Variants in ZNF618 observed in about 807,000 individuals in gnomAD.
ZNF618 encodes neural precursor cell expressed, developmentally down-regulated 10.
In ZNF618, 34 loss-of-function variants were observed where a neutral mutation model predicts 103.0. The ratio of observed to expected loss-of-function variants is 0.33; its 90% CI spans 0.25 to 0.44. The LOEUF is 0.44. Among genes scored for constraint, ZNF618 ranks in the 20% least tolerant of loss-of-function variants. ZNF618 has a pLI of 1.00. For synonymous variants in ZNF618, 551 were observed against 542.2 expected (o/e 1.02, Z -0.23); for missense variants, 1,059 against 1,295.4 (o/e 0.82, Z 2.80).
At position 113,951,447 on chromosome 9, in the gene ZNF618, A is replaced by ATGTG. The variant is rs1301306957; in HGVS notation, c.34-17668_34-17665dup. Among the ~76,000 whole-genome samples the ATGTG allele has an allele frequency of 8.2e-4, 54 of 65,768 alleles. 1 individual carries two copies. Among genetic ancestry groups the ATGTG allele is most frequent in the African/African-American group, 9.6e-4 (16 of 16,606 alleles). The allele number at this position is 65,768 out of a possible 152,430, so 43.1% of individuals were successfully genotyped here. On this transcript the variant is annotated intron_variant, in intron 1 of 14. Transcript: ENST00000374126. ...TGTGTGTGTGTATATATATACATATATGTGTATATATACATATATGTGTGT... is the reference window on the plus strand; with the variant it reads ...TGTGTGTGTGTATATATATACATATATGTGTGTGTATATATACATATATGTGTGT...
At chr9:113,886,486 A>G (rs536045769) in intron 1 of ZNF618, among the ~76,000 whole-genome samples, 1 of 152,098 alleles carries the variant, frequency 6.6e-6, no homozygotes, top group Non-Finnish European at 1.5e-5. Context: ...GATGTTGGGG[A>G]ATTTTTTTTT....
intron 13 of ZNF618, among the ~76,000 whole-genome samples, chr9:114,047,391 GT>G (rs1251036158): frequency 6.6e-6 from 1 of 152,146 alleles, no homozygotes; most frequent in Non-Finnish European, 1.5e-5. Flanking sequence ...CATGGCTTTG[GT>G]TTTGTTTTGT....
chr9:113,918,241 G>A (rs755411723), intron 1 of ZNF618, among the ~76,000 whole-genome samples: 5 of 152,150 alleles, frequency 3.3e-5, no homozygotes, highest in South Asian at 2.1e-4. Flanking sequence ...GTATGACATC[G>A]GGGACCTAGG....
At chr9:113,938,538 T>A (rs1834239198) in intron 1 of ZNF618, among the ~76,000 whole-genome samples, 1 of 150,856 alleles carries the variant, frequency 6.6e-6, no homozygotes, top group Non-Finnish European at 1.5e-5. Flanking sequence ...ATTTGTAGGA[T>A]GTGATTCCTC....
intron 13 of ZNF618, among the ~76,000 whole-genome samples, chr9:114,038,649 G>A (rs918894456): frequency 3.9e-5 from 6 of 152,346 alleles, no homozygotes; most frequent in East Asian, 1.9e-4. Context: ...AACCTGGCGT[G>A]CCTTGGTGAC....
chr9:114,030,644 T>A (rs1279959118), intron 11 of ZNF618, among the ~76,000 whole-genome samples: 1 of 152,174 alleles, frequency 6.6e-6, no homozygotes, highest in East Asian at 1.9e-4. Context: ...TCAGAGGGCA[T>A]CCGGTTGGGA....
chr9:113,905,237 A>G (rs1161721859), intron 1 of ZNF618, among the ~76,000 whole-genome samples: 1 of 152,020 alleles, frequency 6.6e-6, no homozygotes, highest in Non-Finnish European at 1.5e-5. Flanking sequence ...TTTTATTTTT[A>G]GTAGAGATGG....
chr9:113,913,431 A>G (rs1831753090), intron 1 of ZNF618, among the ~76,000 whole-genome samples: 1 of 152,242 alleles, frequency 6.6e-6, no homozygotes, highest in Admixed American at 6.5e-5. Flanking sequence ...GAGTCACGGG[A>G]AAGAAAACAC....
At chr9:113,915,892 T>C (rs879688382) in intron 1 of ZNF618, among the ~76,000 whole-genome samples, 6 of 152,246 alleles carry the variant, frequency 3.9e-5, no homozygotes, top group Non-Finnish European at 5.9e-5. Flanking sequence ...TTCATTACTA[T>C]GTCCTCTGTT....
chr9:113,968,637 C>G (rs1035943210), intron 1 of ZNF618, among the ~76,000 whole-genome samples: 5 of 152,156 alleles, frequency 3.3e-5, no homozygotes, highest in Admixed American at 2.6e-4. Context: ...CCCCTCCCCC[C>G]ACACCCAAAT....
At chr9:113,935,888 C>T (rs1463211332) in intron 1 of ZNF618, among the ~76,000 whole-genome samples, 1 of 152,168 alleles carries the variant, frequency 6.6e-6, no homozygotes. Context: ...TTCCTCCCAG[C>T]ATCTTTAGTG....
At chr9:113,896,015 G>T (rs1003272838) in intron 1 of ZNF618, among the ~76,000 whole-genome samples, 1 of 151,712 alleles carries the variant, frequency 6.6e-6, no homozygotes, top group Non-Finnish European at 1.5e-5. Context: ...AATGTCCTCT[G>T]TATGGTTCTA....
chr9:113,903,142 T>C (rs993504782), intron 1 of ZNF618, among the ~76,000 whole-genome samples: 2 of 152,242 alleles, frequency 1.3e-5, no homozygotes, highest in African/African-American at 2.4e-5. Context: ...GGGCTTGCCT[T>C]GAATCCCATC....
chr9:113,959,216 G>T (rs1836607037), intron 1 of ZNF618, among the ~76,000 whole-genome samples: 3 of 152,162 alleles, frequency 2.0e-5, no homozygotes, highest in East Asian at 1.9e-4. Context: ...GAACCTGGGA[G>T]GTGGAGGTTG....
intron 1 of ZNF618, among the ~76,000 whole-genome samples, chr9:113,965,386 A>T (rs1837302770): frequency 6.6e-6 from 1 of 152,092 alleles, no homozygotes; most frequent in Admixed American, 6.5e-5. Context: ...TTCATTTGGG[A>T]GGGAAGAGGA....
intron 3 of ZNF618, among the ~76,000 whole-genome samples, chr9:113,994,628 C>G (rs1840390952): frequency 6.6e-6 from 1 of 152,122 alleles, no homozygotes; most frequent in Non-Finnish European, 1.5e-5. Context: ...GCCCCTCTTT[C>G]CAGTAGAATT....
chr9:114,043,300 G>A (rs1341251683), intron 13 of ZNF618, among the ~76,000 whole-genome samples: 1 of 152,210 alleles, frequency 6.6e-6, no homozygotes, highest in Non-Finnish European at 1.5e-5. Flanking sequence ...GTGAGGAATT[G>A]CCAGATTGTT....
intron 9 of ZNF618, chr9:114,016,306 G>A: frequency 1.4e-6 from 1 of 728,508 alleles, no homozygotes; most frequent in Non-Finnish European, 2.3e-6. Flanking sequence ...GGCAGGGCTT[G>A]CAAAGGGGCT....
In ZNF618 at chr9:114,051,187, C is replaced by T. The variant is rs1457784362; in HGVS notation, c.*1020C>T. The T allele has an allele frequency of 6.6e-6, 1 of 152,172 alleles. No homozygotes were observed. Among genetic ancestry groups the T allele is most frequent in the East Asian group, 1.9e-4 (1 of 5,184 alleles). The allele number at this position is 152,172 out of a possible 1,614,324, so 9.4% of individuals were successfully genotyped here. On this transcript the variant is annotated 3_prime_UTR_variant, in exon 15 of 15. Transcript: ENST00000374126. Reference sequence around the variant, plus strand: ...TTTGGAGTTTTGTTTTTTTACTTGCCCCTTTTGTTCCTCAAGTCACACTGT... The same window carrying T: ...TTTGGAGTTTTGTTTTTTTACTTGCTCCTTTTGTTCCTCAAGTCACACTGT...
Sources: allele counts gnomAD v4.1 joint callset (sites outside exome capture counted in the v4.1 genomes callset), GRCh38; gene constraint gnomAD v4.1.1; transcripts MANE v1.5; gene names NCBI Gene and HGNC (gene_info 2026-07-23, HGNC 2026-07-21).